Variants in UNKL observed in about 807,000 individuals in gnomAD.
The protein encoded by UNKL is unk like zinc finger, also known as putative E3 ubiquitin-protein ligase UNKL.
In UNKL, 60 loss-of-function variants were observed where a neutral mutation model predicts 78.0. The ratio of observed to expected loss-of-function variants is 0.77; its 90% CI spans 0.63 to 0.95. The LOEUF (loss-of-function observed/expected upper bound fraction) is 0.95, where lower values mean the gene tolerates loss of function less well. Ranked by LOEUF, UNKL falls within the 40% of genes least tolerant of loss-of-function variation. UNKL has a pLI of 0.00. For synonymous variants in UNKL, 608 were observed against 474.8 expected, an observed-to-expected ratio of 1.28 and a Z score of -3.65; for missense variants, 1,159 against 1,045.7, an observed-to-expected ratio of 1.11 and a Z score of -1.49.
intron 2 of UNKL, among the ~76,000 whole-genome samples, chr16:1,413,516 C>T (rs566468303): frequency 7.9e-5 from 12 of 152,194 alleles, no homozygotes; most frequent in African/African-American, 2.4e-4. Context: ...TGCAGTGAGC[C>T]GAGATCATGC....
intron 6 of UNKL, among the ~76,000 whole-genome samples, chr16:1,394,867 C>T (rs991875065): frequency 3.9e-5 from 6 of 152,176 alleles, no homozygotes; most frequent in Non-Finnish European, 7.3e-5. Context: ...GGTGGGGTCC[C>T]GTTTGCTTGT....
chr16:1,390,228 C>T (rs1374384754), intron 9 of UNKL, among the ~76,000 whole-genome samples: 8 of 152,276 alleles, frequency 5.3e-5, no homozygotes, highest in South Asian at 2.1e-4. Flanking sequence ...CCTCGTGATC[C>T]GCCCACCTTG....
Position 1,365,328 on chromosome 16 carries a change from G to A in UNKL, c.*912C>T, listed in dbSNP as rs554974208. ...AAAAAGTAATTCTAAAAGCTCTGAC[G>A]TCGGATCCCCTCTGCTGCGTTTTTT... On this transcript the variant is annotated 3_prime_UTR_variant, in exon 15 of 15. Coordinates refer to ENST00000389221, the MANE Select transcript of UNKL (RefSeq NM_001372107.1). The A allele has an allele frequency of 3.9e-5, 6 of 152,322 alleles. No homozygotes were observed. The highest frequency in any genetic ancestry group is 1.2e-4 in the African/African-American group (5 of 41,572). The allele number at this position is 152,322 out of a possible 1,614,324, so 9.4% of individuals were successfully genotyped here. A position where few individuals can be genotyped will look rare whatever the true frequency, so the allele number is the denominator to read the frequency against.
At chr16:1,382,254 C>T (rs2036631072) in intron 10 of UNKL, among the ~76,000 whole-genome samples, 1 of 152,236 alleles carries the variant, frequency 6.6e-6, no homozygotes, top group Non-Finnish European at 1.5e-5. Flanking sequence ...CATCCCACAC[C>T]ACATGCTTCC....
chr16:1,367,882 G>A (rs748307761), intron 12 of UNKL, 24 bp from the exon 13 acceptor site: 13 of 1,537,190 alleles, frequency 8.5e-6, no homozygotes, highest in Admixed American at 3.9e-5. Flanking sequence ...GGTCGATGAC[G>A]GCCCAGCCCT....
chr16:1,397,252 C>T lies in UNKL; in HGVS notation c.778G>A (p.Glu260Lys), dbSNP rs1374708614. The T allele has an allele frequency of 1.9e-6, 3 of 1,540,564 alleles. No individual in the cohort carries two copies. Among genetic ancestry groups the T allele is most frequent in the Non-Finnish European group, 1.7e-6 (2 of 1,145,838 alleles). ...PSVKHGDEWG[E>K]PSRCDGGDGC... ...TCGCCGCCATCGCAGCGTGAGGGTT[C>T]CCCCCACTCATCCCCGTGCTTCACA... Residue 260 changes from glutamate (E) to lysine (K), a missense_variant, in exon 6 of 15, where the codon GAA becomes AAA. Glu to Lys is a moderately conservative substitution (Grantham distance 56, BLOSUM62 1). Transcript: ENST00000389221.
Position 1,390,665 on chromosome 16 carries a change from A to C in UNKL, c.1053T>G (p.Gly351=), listed in dbSNP as rs776630091. 6.5e-7 allele frequency: 1 copy of C among 1,536,052 alleles called. No individual in the cohort carries two copies. Among genetic ancestry groups the C allele is most frequent in the South Asian group, 1.2e-5 (1 of 84,058 alleles). Reference sequence around the variant, plus strand: ...TGTCTTGCTCGCTGCCCCTAGGGCCACCCTCGGCCGGCGAGTCTCTCCGCT... The same window carrying C: ...TGTCTTGCTCGCTGCCCCTAGGGCCCCCCTCGGCCGGCGAGTCTCTCCGCT... The part of the protein sequence containing the change: ...NAKRRDSPAE[G]GPRGSEQDSK... Residue 351 remains glycine, a synonymous_variant, in exon 9 of 15, where the codon GGT becomes GGG. Transcript: ENST00000389221.
intron 2 of UNKL, among the ~76,000 whole-genome samples, chr16:1,405,194 CAAAAAAAAAAAA>C (rs529175991): frequency 4.6e-5 from 5 of 109,512 alleles, no homozygotes; most frequent in African/African-American, 1.7e-4. Context: ...GACCCTGTCT[CAAAAAAAAAAAA>C]AAAAAAAAAA....
intron 2 of UNKL, among the ~76,000 whole-genome samples, chr16:1,410,267 GA>G (rs57597459): frequency 2.0e-3 from 199 of 101,292 alleles, no homozygotes; most frequent in Middle Eastern, 8.2e-3. Context: ...CCCTGTCTCA[GA>G]AAAAAAAAAA....
chr16:1,390,065 C>G (rs2036982388), intron 9 of UNKL, among the ~76,000 whole-genome samples: 2 of 152,314 alleles, frequency 1.3e-5, no homozygotes, highest in South Asian at 4.1e-4. Context: ...CGGCTCACTG[C>G]AATCTCCACC....
At chr16:1,405,433 C>T (rs752431062) in intron 2 of UNKL, among the ~76,000 whole-genome samples, 1 of 151,832 alleles carries the variant, frequency 6.6e-6, no homozygotes, top group Non-Finnish European at 1.5e-5. Context: ...AAAATTTAGC[C>T]GGGCATGATA....
chr16:1,394,026 C>A (rs986263253), intron 7 of UNKL, 105 bp downstream of exon 7: 2 of 1,217,016 alleles, frequency 1.6e-6, no homozygotes, highest in Non-Finnish European at 2.3e-6. Flanking sequence ...TCCTGCCCGC[C>A]TTCCAGGTCC....
chr16:1,385,302 G>T lies in UNKL; in HGVS notation c.1170C>A (p.Ala390=). ...SSVASSLASS[A]GSGSSSPTAL... ...CAGTGGGGGAGGAGCTGCCGGAGCCGGCGCTGGACGCCAGGCTGGACGCCA... is the reference window on the plus strand; with the variant it reads ...CAGTGGGGGAGGAGCTGCCGGAGCCTGCGCTGGACGCCAGGCTGGACGCCA... The change falls in exon 10 of 15, where the codon GCC becomes GCA. Residue 390 remains alanine (A), a synonymous_variant. Transcript: ENST00000389221. 7.2e-7 allele frequency: 1 copy of T among 1,384,538 alleles called. No homozygotes were observed. Among genetic ancestry groups the T allele is most frequent in the Non-Finnish European group, 9.3e-7 (1 of 1,074,514 alleles). The allele number at this position is 1,384,538 out of a possible 1,614,324, so 85.8% of individuals were successfully genotyped here. A position where few individuals can be genotyped will look rare whatever the true frequency, so the allele number is the denominator to read the frequency against.
At chr16:1,412,364 A>C (rs2038077865) in intron 2 of UNKL, 1 of 152,254 alleles carries the variant, frequency 6.6e-6, no homozygotes, top group Non-Finnish European at 1.5e-5. Context: ...TAATCCCAGC[A>C]CTTTGGGAGG....
At chr16:1,372,094 A>G (rs1251008072) in intron 10 of UNKL, among the ~76,000 whole-genome samples, 1 of 1,132 alleles carries the variant, frequency 8.8e-4, no homozygotes, top group East Asian at 0.1. Flanking sequence ...GTCTCAACCA[A>G]AAAAAAAAAA....
Position 1,398,474 on chromosome 16 carries a change from A to G in UNKL, c.734+900T>C, listed in dbSNP as rs555547355. ...CAGGTCCTTTACTCGGAAGCTGCTC[A>G]GAGGGAGACTGAACGTGGCATAACA... On this transcript the variant is annotated intron_variant, in intron 5 of 14. Transcript: ENST00000389221. 5.2e-5 allele frequency: 62 copies of G among 1,185,778 alleles called. No homozygotes were observed. The African/African-American group carries it at 7.4e-4, about 14-fold the overall frequency. The allele number at this position is 1,185,778 out of a possible 1,614,324, so 73.5% of individuals were successfully genotyped here. A position where few individuals can be genotyped will look rare whatever the true frequency, so the allele number is the denominator to read the frequency against.
rs760847153 is a variant in UNKL, at chr16:1,385,296, G to A, written c.1176C>T (p.Ser392=). Residue 392 remains serine, a synonymous_variant, in exon 10 of 15, where the codon TCC becomes TCT. Transcript: ENST00000389221. ...GCAGCGCAGTGGGGGAGGAGCTGCC[G>A]GAGCCGGCGCTGGACGCCAGGCTGG... is the stretch of plus-strand genomic sequence containing the variant. ...VASSLASSAG[S]GSSSPTALPA... 35 of 1,376,592 alleles carry A rather than the reference G, an allele frequency of 2.5e-5. No individual in the cohort carries two copies. In the Middle Eastern group the frequency reaches 7.7e-4, roughly 30 times the overall value. 85.3% of individuals were successfully genotyped at this position (1,376,592 alleles called of 1,614,324 possible). A position where few individuals can be genotyped will look rare whatever the true frequency, so the allele number is the denominator to read the frequency against.
At chr16:1,368,162 G>A in intron 12 of UNKL, 1 of 448,088 alleles carries the variant, frequency 2.2e-6, no homozygotes, top group Non-Finnish European at 4.0e-6. Context: ...ACACCATGAG[G>A]TGGGAGGGGC....
chr16:1,367,892 T>G (rs1372204338), intron 12 of UNKL, 34 bp from the exon 13 acceptor site: 1 of 1,518,246 alleles, frequency 6.6e-7, no homozygotes, highest in Non-Finnish European at 8.9e-7. Context: ...GGCCCAGCCC[T>G]GCTGTGCTCG....
Sources: gnomAD v4.1 joint callset for allele counts (sites outside exome capture counted in the v4.1 genomes callset) on GRCh38, gnomAD v4.1.1 for gene constraint, MANE v1.5 for transcripts, NCBI Gene and HGNC (gene_info 2026-07-23, HGNC 2026-07-21) for gene names.